Variants in THRB observed in about 807,000 individuals in gnomAD.
The protein encoded by THRB is nuclear receptor subfamily 1 group A member 2.
In THRB, 12 loss-of-function variants were observed where a neutral mutation model predicts 47.8. The ratio of observed to expected loss-of-function variants is 0.25; its 90% CI spans 0.16 to 0.41. The LOEUF is 0.41. THRB is among the 10% of genes least tolerant of loss of function. The probability of loss-of-function intolerance (pLI) is 1.00; values close to 1 mark genes in which losing one functional copy is unlikely to be tolerated. For missense variants in THRB, 348 were observed against 589.2 expected (o/e 0.59, Z 4.24); for synonymous variants, 218 against 212.2 (o/e 1.03, Z -0.24).
chr3:24,441,850 TA>T (rs1358084550), intron 1 of THRB, among the ~76,000 whole-genome samples: 1 of 152,172 alleles, frequency 6.6e-6, no homozygotes, highest in Non-Finnish European at 1.5e-5. Flanking sequence ...AAAACATTTT[TA>T]AAAGACTTGA....
chr3:24,331,176 G>C (rs1047651761), intron 2 of THRB, among the ~76,000 whole-genome samples: 2 of 152,042 alleles, frequency 1.3e-5, no homozygotes, highest in Non-Finnish European at 2.9e-5. Context: ...ATGATGACTT[G>C]AGCGTTAATT....
At chr3:24,461,947 G>C (rs931249897) in intron 1 of THRB, among the ~76,000 whole-genome samples, 6 of 152,056 alleles carry the variant, frequency 3.9e-5, no homozygotes, top group Non-Finnish European at 5.9e-5. Context: ...CAATGACATG[G>C]AATAATGTTC....
chr3:24,227,935 A>G (rs2047838656), intron 4 of THRB, among the ~76,000 whole-genome samples: 1 of 152,198 alleles, frequency 6.6e-6, no homozygotes, highest in African/African-American at 2.4e-5. Context: ...GATTCTAGTT[A>G]GCAGACATAT....
intron 2 of THRB, among the ~76,000 whole-genome samples, chr3:24,315,281 G>A (rs1576770738): frequency 1.3e-5 from 2 of 152,300 alleles, no homozygotes; most frequent in Non-Finnish European, 1.5e-5. Flanking sequence ...TTTAGGACCT[G>A]CCGACATCGC....
intron 1 of THRB, among the ~76,000 whole-genome samples, chr3:24,414,277 G>A (rs2150210218): frequency 6.6e-6 from 1 of 152,018 alleles, no homozygotes; most frequent in South Asian, 2.1e-4. Flanking sequence ...TAATTCAGAA[G>A]ATGGTAAATA....
At chr3:24,147,319 A>G (rs2036224979) in intron 6 of THRB, among the ~76,000 whole-genome samples, 1 of 152,218 alleles carries the variant, frequency 6.6e-6, no homozygotes, top group South Asian at 2.1e-4. Flanking sequence ...AATTAAACAG[A>G]TGTACTAGCT....
At chr3:24,269,277 C>CCACACACACA (rs4024153) in intron 3 of THRB, among the ~76,000 whole-genome samples, 281 of 140,732 alleles carry the variant, frequency 2.0e-3, no homozygotes, top group African/African-American at 4.8e-3. Context: ...AATGGATACA[C>CCACACACACA]CACACACACA....
chr3:24,374,928 T>C (rs1577173611), intron 1 of THRB, among the ~76,000 whole-genome samples: 1 of 152,110 alleles, frequency 6.6e-6, no homozygotes, highest in African/African-American at 2.4e-5. Context: ...TCACCATACT[T>C]ACCAGGCATG....
At chr3:24,404,863 A>G (rs1313262537) in intron 1 of THRB, among the ~76,000 whole-genome samples, 2 of 151,776 alleles carry the variant, frequency 1.3e-5, no homozygotes, top group African/African-American at 4.8e-5. Flanking sequence ...TTATTTTCTA[A>G]TTAATTAATT....
chr3:24,261,641 G>C (rs1296770258), intron 3 of THRB, among the ~76,000 whole-genome samples: 3 of 151,764 alleles, frequency 2.0e-5, no homozygotes, highest in South Asian at 2.1e-4. Flanking sequence ...CTTTTTCTCT[G>C]AAAGTTTCTC....
chr3:24,456,575 T>C (rs2073190971), intron 1 of THRB, among the ~76,000 whole-genome samples: 1 of 151,254 alleles, frequency 6.6e-6, no homozygotes, highest in Non-Finnish European at 1.5e-5. Context: ...TATTATCTTG[T>C]ATTAAATATT....
chr3:24,187,003 G>A (rs928855100), intron 5 of THRB, among the ~76,000 whole-genome samples: 2 of 136,446 alleles, frequency 1.5e-5, no homozygotes, highest in African/African-American at 2.7e-5. Flanking sequence ...CAAAACCTTA[G>A]ATAGCTACCC....
chr3:24,230,600 G>A (rs566826296), intron 3 of THRB, among the ~76,000 whole-genome samples: 1 of 152,156 alleles, frequency 6.6e-6, no homozygotes, highest in African/African-American at 2.4e-5. Context: ...CTGTAGGTGA[G>A]AGCACAGGTC....
At chr3:24,139,743 G>C (rs2035195059) in intron 8 of THRB, among the ~76,000 whole-genome samples, 1 of 152,154 alleles carries the variant, frequency 6.6e-6, no homozygotes, top group South Asian at 2.1e-4. Context: ...CCTGGTCTTA[G>C]ACTGAAAACT....
chr3:24,329,862 G>A (rs13325682), intron 2 of THRB, among the ~76,000 whole-genome samples: 15,725 of 152,216 alleles, frequency 0.1, 942 homozygotes, highest in East Asian at 0.29. Context: ...ACTTGTTAAA[G>A]TGCAGATTCT....
At chr3:24,408,843 A>G (rs997811176) in intron 1 of THRB, among the ~76,000 whole-genome samples, 2 of 151,892 alleles carry the variant, frequency 1.3e-5, no homozygotes, top group African/African-American at 4.8e-5. Flanking sequence ...CCATAAAAAA[A>G]TAAAAATGGT....
intron 5 of THRB, among the ~76,000 whole-genome samples, chr3:24,169,551 G>A (rs1420109626): frequency 1.3e-5 from 2 of 151,814 alleles, no homozygotes; most frequent in East Asian, 3.9e-4. Flanking sequence ...TTTCTTATTT[G>A]TAAAACAGAT....
chr3:24,452,546 G>A (rs1265777213), intron 1 of THRB, among the ~76,000 whole-genome samples: 1 of 152,044 alleles, frequency 6.6e-6, no homozygotes, highest in Non-Finnish European at 1.5e-5. Context: ...TCACCTATGA[G>A]GAAGGCCTAC....
intron 1 of THRB, among the ~76,000 whole-genome samples, chr3:24,421,948 A>G (rs1375613365): frequency 6.6e-6 from 1 of 151,924 alleles, no homozygotes; most frequent in East Asian, 1.9e-4. Flanking sequence ...TCCAAGGCGC[A>G]TGCTAATCTG....
Sources: allele counts gnomAD v4.1 joint callset (sites outside exome capture counted in the v4.1 genomes callset), GRCh38; gene constraint gnomAD v4.1.1; transcripts MANE v1.5; gene names NCBI Gene and HGNC (gene_info 2026-07-23, HGNC 2026-07-21).